Variants in ADGRL2 observed in about 807,000 individuals in gnomAD.
ADGRL2 encodes the protein adhesion G protein-coupled receptor L2.
ADGRL2 carries 44 observed loss-of-function variants against 157.4 expected under a neutral mutation model. The ratio of observed to expected loss-of-function variants is 0.28; its 90% CI spans 0.22 to 0.36. The LOEUF (loss-of-function observed/expected upper bound fraction) is 0.36. Ranked by LOEUF, ADGRL2 falls within the 10% of genes least tolerant of loss-of-function variation. ADGRL2 has a pLI of 1.00. For missense variants in ADGRL2, 1,510 were observed against 1,768.9 expected, an observed-to-expected ratio of 0.85 and a Z score of 2.63; for synonymous variants, 585 against 624.7, an observed-to-expected ratio of 0.94 and a Z score of 0.95.
chr1:81,402,207 T>A (rs1250839744), intron 1 of ADGRL2, among the ~76,000 whole-genome samples: 1 of 152,226 alleles, frequency 6.6e-6, no homozygotes, highest in African/African-American at 2.4e-5. Context: ...GGATCCTTGC[T>A]GTTTTTCTTA....
At chr1:81,866,735 A>G (rs2093554042) in intron 2 of ADGRL2, among the ~76,000 whole-genome samples, 1 of 152,144 alleles carries the variant, frequency 6.6e-6, no homozygotes. Flanking sequence ...ATCTTGCAAA[A>G]TGCAAGATAA....
At chr1:81,931,124 G>A (rs1352391179) in intron 3 of ADGRL2, among the ~76,000 whole-genome samples, 1 of 152,120 alleles carries the variant, frequency 6.6e-6, no homozygotes, top group Non-Finnish European at 1.5e-5. Context: ...ACTCTAGCCT[G>A]GGCAACAGAG....
At chr1:81,454,351 T>C (rs1262657044) in intron 2 of ADGRL2, among the ~76,000 whole-genome samples, 1 of 152,206 alleles carries the variant, frequency 6.6e-6, no homozygotes. Context: ...ACCTTCTGTT[T>C]GGTTTGCTGA....
intron 3 of ADGRL2, among the ~76,000 whole-genome samples, chr1:81,681,191 G>A (rs1353323117): frequency 6.6e-6 from 1 of 152,230 alleles, no homozygotes; most frequent in Non-Finnish European, 1.5e-5. Flanking sequence ...TGAGTCTGAT[G>A]TAATTTGGTT....
Position 81,328,138 on chromosome 1 carries a change from T to C in ADGRL2, c.-302+21629T>C, listed in dbSNP as rs1010035134. On this transcript the variant is annotated intron_variant, in intron 1 of 24. Transcript: ENST00000370721. Reference sequence around the variant, plus strand: ...AGGAGCATTGACAGGATACCACAAATTTCAAACCTTTTTCCTTTCAGAAGA... The same window carrying C: ...AGGAGCATTGACAGGATACCACAAACTTCAAACCTTTTTCCTTTCAGAAGA... Among the ~76,000 whole-genome samples, 8 of 152,274 alleles carry C rather than the reference T, an allele frequency of 5.3e-5. No individual in the cohort carries two copies. The East Asian group carries it at 1.3e-3, about 26-fold the overall frequency.
intron 3 of ADGRL2, among the ~76,000 whole-genome samples, chr1:81,912,954 A>G (rs1418279892): frequency 6.6e-6 from 1 of 152,170 alleles, no homozygotes; most frequent in African/African-American, 2.4e-5. Flanking sequence ...TAAAGTAGGG[A>G]TAAACTTCTA....
intron 3 of ADGRL2, among the ~76,000 whole-genome samples, chr1:81,621,910 C>T (rs1467146668): frequency 1.3e-5 from 2 of 152,200 alleles, no homozygotes; most frequent in African/African-American, 2.4e-5. Flanking sequence ...CTCCTCTGCT[C>T]CTGGTTGTAG....
Position 81,966,444 on chromosome 1 carries a change from A to T in ADGRL2, c.2184A>T (p.Gly728=), listed in dbSNP as rs1399879552. The stretch of plus-strand genomic sequence containing the variant: ...TGTTCATCATTTACCGGAGCCTGGG[A>T]CAGTTCCTTAGTACAGAAAATGCAA... ...KLVFIIYRSL[G]QFLSTENATI... Residue 728 remains glycine, a synonymous_variant, in exon 13 of 24, where the codon GGA becomes GGT. Coordinates refer to ENST00000686636, the MANE Select transcript of ADGRL2 (RefSeq NM_001366006.2). 1.9e-6 allele frequency: 3 copies of T among 1,613,944 alleles called. No individual in the cohort carries two copies. The African/African-American group carries it at 4.0e-5, about 22-fold the overall frequency.
intron 2 of ADGRL2, among the ~76,000 whole-genome samples, chr1:81,555,897 T>C (rs577945648): frequency 6.6e-6 from 1 of 152,272 alleles, no homozygotes; most frequent in African/African-American, 2.4e-5. Context: ...TATGCCCCCA[T>C]TGTCATGCTA....
chr1:81,640,721 A>G (rs2082203939), intron 3 of ADGRL2, among the ~76,000 whole-genome samples: 1 of 152,090 alleles, frequency 6.6e-6, no homozygotes, highest in South Asian at 2.1e-4. Flanking sequence ...ACCCCAACAG[A>G]CCAGGCTAAA....
intron 2 of ADGRL2, among the ~76,000 whole-genome samples, chr1:81,580,346 A>T (rs1199406845): frequency 6.6e-6 from 1 of 151,002 alleles, no homozygotes; most frequent in Non-Finnish European, 1.5e-5. Context: ...AATAAACACA[A>T]CTGTGTCTCG....
At chr1:81,393,671 G>A (rs1027044372) in intron 1 of ADGRL2, among the ~76,000 whole-genome samples, 2 of 152,032 alleles carry the variant, frequency 1.3e-5, no homozygotes, top group African/African-American at 2.4e-5. Context: ...ACCCCTATAC[G>A]ATCACCTAGC....
chr1:81,907,405 A>T (rs2094605547), intron 3 of ADGRL2, among the ~76,000 whole-genome samples, 175 bp downstream of exon 3: 1 of 152,228 alleles, frequency 6.6e-6, no homozygotes, highest in African/African-American at 2.4e-5. Context: ...TCAACATTCA[A>T]ATATGTAAAT....
chr1:81,479,078 T>C (rs1438466323), intron 2 of ADGRL2, among the ~76,000 whole-genome samples: 1 of 152,152 alleles, frequency 6.6e-6, no homozygotes, highest in East Asian at 1.9e-4. Context: ...TGTGTAAAAA[T>C]AATGTCTGTT....
chr1:81,751,268 T>A (rs2085480657), intron 1 of ADGRL2, among the ~76,000 whole-genome samples: 1 of 152,200 alleles, frequency 6.6e-6, no homozygotes, highest in Non-Finnish European at 1.5e-5. Context: ...AAAGTTACTC[T>A]ACTTCCCTGC....
chr1:81,362,394 AT>A (rs35038022), intron 1 of ADGRL2, among the ~76,000 whole-genome samples: 76,969 of 150,258 alleles, frequency 0.51, 21,433 homozygotes, highest in East Asian at 0.67. Context: ...CTGTCTTTTG[AT>A]TTTTTTTTTC....
chr1:81,981,766 T>C, intron 18 of ADGRL2, 42 bp from the exon 19 acceptor site: 2 of 1,528,402 alleles, frequency 1.3e-6, no homozygotes, highest in Middle Eastern at 3.5e-4. Context: ...GTGTGTTTTT[T>C]GCTCATTGAA....
At chr1:81,355,440 C>A (rs1663211883) in intron 1 of ADGRL2, among the ~76,000 whole-genome samples, 1 of 152,140 alleles carries the variant, frequency 6.6e-6, no homozygotes, top group African/African-American at 2.4e-5. Flanking sequence ...GATACATATA[C>A]AGATATATAT....
At position 81,374,388 on chromosome 1, in the gene ADGRL2, A is replaced by G. The variant is rs143283140; in HGVS notation, c.-302+67879A>G. On this transcript the variant is annotated intron_variant, in intron 1 of 24. Transcript: ENST00000370721. ...GGAGTTCGAGACCAGCCTGGCCAAC[A>G]TGGCAAAACCCCATCTCTACTAAAA... Among the ~76,000 whole-genome samples, 1,028 of 152,252 alleles carry G rather than the reference A, an allele frequency of 6.8e-3. 14 individuals carry two copies. Among genetic ancestry groups the G allele is most frequent in the African/African-American group, 0.023 (970 of 41,560 alleles).
Sources: allele counts gnomAD v4.1 joint callset (sites outside exome capture counted in the v4.1 genomes callset), GRCh38; gene constraint gnomAD v4.1.1; transcripts MANE v1.5; gene names NCBI Gene and HGNC (gene_info 2026-07-23, HGNC 2026-07-21).